Variants in GSN observed in about 807,000 individuals in gnomAD.
GSN encodes actin-depolymerizing factor.
Under a neutral mutation model 85.7 loss-of-function variants are expected in GSN, and 56 were observed. The ratio of observed to expected loss-of-function variants is 0.65; its 90% CI spans 0.53 to 0.82. GSN has a LOEUF of 0.82. Ranked by LOEUF, GSN falls within the 40% of genes least tolerant of loss-of-function variation. GSN has a pLI of 0.00. For missense variants in GSN, 857 were observed against 979.8 expected (o/e 0.87, Z 1.67); for synonymous variants, 373 against 399.1 (o/e 0.93, Z 0.78).
chr9:121,326,873 A>C (rs899069578), intron 13 of GSN, 191 bp downstream of exon 13: 2 of 753,130 alleles, frequency 2.7e-6, no homozygotes, highest in South Asian at 1.4e-5. Context: ...AAGGATACCC[A>C]GTGTCCCTTG....
At chr9:121,319,662 T>C (rs370599525) in intron 10 of GSN, among the ~76,000 whole-genome samples, 2 of 151,928 alleles carry the variant, frequency 1.3e-5, no homozygotes, top group East Asian at 3.9e-4. Flanking sequence ...GGTTGGAATA[T>C]GACTCCAGGA....
chr9:121,256,982 G>A (rs1050322412), intron 6 of GSN, among the ~76,000 whole-genome samples: 2 of 152,114 alleles, frequency 1.3e-5, no homozygotes, highest in African/African-American at 4.8e-5. Flanking sequence ...TTTCAAAATA[G>A]CTAGAACAGA....
chr9:121,299,226 C>G lies in GSN; in HGVS notation c.-9-2737C>G, dbSNP rs987364911. 4 of 783,500 alleles carry G rather than the reference C, an allele frequency of 5.1e-6. No individual in the cohort carries two copies. In the African/African-American group the frequency reaches 5.6e-5, roughly 11 times the overall value. 48.5% of individuals were successfully genotyped at this position (783,500 alleles called of 1,614,324 possible). ...AGGAGGGGCTATCCCAGGAGCTGAG[C>G]GTTCTGCCCCGCCCCTCTGAGTCCT... On this transcript the variant is annotated intron_variant, in intron 2 of 17. Transcript: ENST00000432226. This position sits in a 1 kb window ranked among gnomAD's most constrained non-coding sequence, Gnocchi z 4.2.
At chr9:121,236,750 A>G (rs578134239) in intron 5 of GSN, among the ~76,000 whole-genome samples, 74 of 152,352 alleles carry the variant, frequency 4.9e-4, no homozygotes, top group African/African-American at 1.8e-3. Flanking sequence ...AGGAAGGAGC[A>G]GGAATAAAAC....
upstream of GSN, chr9:121,268,151 C>T (rs892048033): frequency 1.3e-5 from 2 of 151,896 alleles, no homozygotes; most frequent in Admixed American, 6.6e-5. Flanking sequence ...AACGCCCCCG[C>T]CCCGCCGCCC....
chr9:121,312,519 T>C, intron 6 of GSN, 31 bp downstream of exon 6: 1 of 1,554,580 alleles, frequency 6.4e-7, no homozygotes, highest in South Asian at 1.1e-5. Flanking sequence ...GGGGTGGCCA[T>C]GGGGACACGC....
intron 6 of GSN, among the ~76,000 whole-genome samples, chr9:121,249,918 A>G (rs865982763): frequency 6.6e-6 from 1 of 152,216 alleles, no homozygotes; most frequent in Non-Finnish European, 1.5e-5. Flanking sequence ...CTTGAGAAGT[A>G]AAAAAGCTGG....
chr9:121,298,821 G>A (rs570454696), intron 2 of GSN, among the ~76,000 whole-genome samples: 1 of 152,284 alleles, frequency 6.6e-6, no homozygotes, highest in South Asian at 2.1e-4. Context: ...GTTGGAGTAG[G>A]TGGGAAGTAG....
intron 4 of GSN, among the ~76,000 whole-genome samples, chr9:121,223,905 C>T (rs935321323): frequency 6.6e-6 from 1 of 151,876 alleles, no homozygotes; most frequent in African/African-American, 2.4e-5. Flanking sequence ...GTAATCCACC[C>T]GCCTCGGCCT....
Position 121,329,423 on chromosome 9 carries a change from T to G in GSN, c.1965+108T>G. On this transcript the variant is annotated intron_variant, in intron 16 of 17. Coordinates refer to ENST00000432226, the MANE Select transcript of GSN (RefSeq NM_198252.3). This position sits in a 1 kb window ranked among gnomAD's most constrained non-coding sequence, Gnocchi z 4.6. ...AGGACCTAAAGGGGGCAGTGCCAGGTGTTGCCAGAAAAGTCTCTAAGGGTA... is the reference window on the plus strand; with the variant it reads ...AGGACCTAAAGGGGGCAGTGCCAGGGGTTGCCAGAAAAGTCTCTAAGGGTA... 1.3e-6 allele frequency: 1 copy of G among 768,622 alleles called. No homozygotes were observed. Among genetic ancestry groups the G allele is most frequent in the Non-Finnish European group, 2.4e-6 (1 of 424,696 alleles). 47.6% of individuals were successfully genotyped at this position (768,622 alleles called of 1,614,324 possible).
At chr9:121,305,949 T>G (rs2060369242) in intron 4 of GSN, among the ~76,000 whole-genome samples, 1 of 152,102 alleles carries the variant, frequency 6.6e-6, no homozygotes, top group Admixed American at 6.5e-5. Flanking sequence ...GTCCTCGGAG[T>G]GTGAGAAGGG....
intron 2 of GSN, among the ~76,000 whole-genome samples, chr9:121,291,181 TAAC>T (rs1305079520): frequency 3.3e-5 from 5 of 152,230 alleles, no homozygotes; most frequent in Admixed American, 1.3e-4. Context: ...AACTACAGTA[TAAC>T]AACTATGTAA....
At chr9:121,321,515 G>T (rs2062448842) in intron 11 of GSN, 114 bp downstream of exon 11, 1 of 985,808 alleles carries the variant, frequency 1.0e-6, no homozygotes, top group South Asian at 1.5e-5. Flanking sequence ...CTCCCTGCTG[G>T]GAGAGGCTTT....
chr9:121,218,661 T>C (rs2054112671), intron 4 of GSN, among the ~76,000 whole-genome samples: 1 of 152,114 alleles, frequency 6.6e-6, no homozygotes, highest in Non-Finnish European at 1.5e-5. Flanking sequence ...GGAGGAAACG[T>C]ACATGTAAGC....
At chr9:121,207,547 G>C (rs2053902026), upstream of GSN, among the ~76,000 whole-genome samples, 2 of 152,208 alleles carry the variant, frequency 1.3e-5, no homozygotes, top group Non-Finnish European at 2.9e-5. Flanking sequence ...AGGGCAGTCA[G>C]TGCCTATGCT....
upstream of GSN, among the ~76,000 whole-genome samples, chr9:121,203,768 A>G (rs951677294): frequency 6.6e-6 from 1 of 152,220 alleles, no homozygotes; most frequent in African/African-American, 2.4e-5. Context: ...GAAAATAGTA[A>G]TATCTCTCTC....
At position 121,299,512 on chromosome 9, in the gene GSN, C is replaced by G. The variant is rs951755644; in HGVS notation, c.-9-2451C>G. ...ATTGTTAGTTCATGTTATTTTTTTG[C>G]TGGAGGTGTTAGGTGCGGAGAGGCG... On this transcript the variant is annotated intron_variant, in intron 2 of 17. Coordinates refer to ENST00000432226, the MANE Select transcript of GSN (RefSeq NM_198252.3). This position sits in a 1 kb window ranked among gnomAD's most constrained non-coding sequence, Gnocchi z 4.2. 4.1e-6 allele frequency: 4 copies of G among 978,474 alleles called. No individual in the cohort carries two copies. The highest frequency in any genetic ancestry group is 6.1e-5 in the Admixed American group (1 of 16,270). 60.6% of individuals were successfully genotyped at this position (978,474 alleles called of 1,614,324 possible).
At chr9:121,254,497 T>C (rs2054908440) in intron 6 of GSN, among the ~76,000 whole-genome samples, 1 of 152,200 alleles carries the variant, frequency 6.6e-6, no homozygotes, top group Non-Finnish European at 1.5e-5. Flanking sequence ...AAAGAATTAT[T>C]TAAAAGCAGA....
chr9:121,225,534 G>A (rs1005823889), intron 4 of GSN, among the ~76,000 whole-genome samples: 2 of 152,184 alleles, frequency 1.3e-5, no homozygotes, highest in East Asian at 1.9e-4. Context: ...TCTGGAAAAA[G>A]CATCGGACAT....
Sources: gnomAD v4.1 joint callset for allele counts (sites outside exome capture counted in the v4.1 genomes callset) on GRCh38, gnomAD v4.1.1 for gene constraint, Gnocchi (gnomAD v3.1) non-coding constraint, MANE v1.5 for transcripts, NCBI Gene and HGNC (gene_info 2026-07-23, HGNC 2026-07-21) for gene names.